The following CCDC178 variants were observed in gnomAD, a reference collection of about 807,000 sequenced individuals.
CCDC178 encodes the protein coiled-coil domain containing 178.
Under a neutral mutation model 117.4 loss-of-function variants are expected in CCDC178, and 126 were observed. The ratio of observed to expected loss-of-function variants is 1.07; its 90% CI spans 0.93 to 1.24. CCDC178 has a LOEUF of 1.24. Among genes scored for constraint, CCDC178 ranks in the 50% most tolerant of loss-of-function variants. The pLI, the probability that CCDC178 is intolerant of heterozygous loss-of-function variation, is 0.00. For synonymous variants in CCDC178, 283 were observed against 313.4 expected (o/e 0.90, Z 1.02); for missense variants, 1,030 against 986.9 (o/e 1.04, Z -0.59).
At position 33,002,480 on chromosome 18, in the gene CCDC178, A is replaced by T. The variant is rs542417685; in HGVS notation, c.2389-27799T>A. Reference sequence around the variant, plus strand: ...TAAGAAGAAAATTTAAAATTTTTTTAAAACAAATAATAAAGGAAATACAAC... The same window carrying T: ...TAAGAAGAAAATTTAAAATTTTTTTTAAACAAATAATAAAGGAAATACAAC... On this transcript the variant is annotated intron_variant, in intron 21 of 22. Coordinates refer to ENST00000383096, the MANE Select transcript of CCDC178 (RefSeq NM_001105528.4). Among the ~76,000 whole-genome samples, 144 of 152,148 alleles carry T rather than the reference A, an allele frequency of 9.5e-4. 1 individual carries two copies. The highest frequency in any genetic ancestry group is 1.9e-3 in the Non-Finnish European group (126 of 67,986).
chr18:33,105,395 G>A (rs1425336049), intron 20 of CCDC178, among the ~76,000 whole-genome samples: 1 of 151,590 alleles, frequency 6.6e-6, no homozygotes, highest in East Asian at 1.9e-4. Flanking sequence ...TAGTTTCTCA[G>A]TAAACATTAC....
At chr18:33,367,920 TATTC>T (rs992279730) in intron 6 of CCDC178, among the ~76,000 whole-genome samples, 44 of 152,192 alleles carry the variant, frequency 2.9e-4, no homozygotes, top group African/African-American at 1.0e-3. Flanking sequence ...CGTATTTATT[TATTC>T]ATAAACAAAG....
intron 15 of CCDC178, among the ~76,000 whole-genome samples, chr18:33,241,239 A>G (rs952120527): frequency 2.0e-5 from 3 of 151,958 alleles, no homozygotes; most frequent in African/African-American, 7.2e-5. Context: ...AACTAAGATC[A>G]TACTGAGTGG....
chr18:33,086,750 C>T (rs1396253545), intron 21 of CCDC178, among the ~76,000 whole-genome samples: 1 of 151,986 alleles, frequency 6.6e-6, no homozygotes, highest in Non-Finnish European at 1.5e-5. Flanking sequence ...AATTCTGTCT[C>T]TCTGTATATC....
chr18:33,377,100 G>A (rs1389311908), intron 5 of CCDC178, among the ~76,000 whole-genome samples: 1 of 152,084 alleles, frequency 6.6e-6, no homozygotes, highest in African/African-American at 2.4e-5. Context: ...TCTCTGCAGA[G>A]TTGTCAGCAT....
intron 20 of CCDC178, among the ~76,000 whole-genome samples, chr18:33,164,941 T>C (rs112163689): frequency 4.5e-4 from 68 of 152,344 alleles, no homozygotes; most frequent in African/African-American, 1.3e-3. Context: ...TATCATGCAT[T>C]GGTCATTTTG....
intron 20 of CCDC178, among the ~76,000 whole-genome samples, chr18:33,119,956 G>C (rs1471870621): frequency 2.0e-5 from 3 of 151,782 alleles, no homozygotes; most frequent in Non-Finnish European, 2.9e-5. Context: ...AACACCGCTT[G>C]TTCTCACTTA....
At chr18:33,374,944 G>T (rs1055522600) in intron 5 of CCDC178, among the ~76,000 whole-genome samples, 9 of 152,122 alleles carry the variant, frequency 5.9e-5, no homozygotes, top group Admixed American at 5.9e-4. Context: ...CTGGAGTTGT[G>T]GGAGTGAGTT....
At chr18:33,393,053 A>G (rs1462515463) in intron 4 of CCDC178, among the ~76,000 whole-genome samples, 1 of 152,156 alleles carries the variant, frequency 6.6e-6, no homozygotes, top group Admixed American at 6.5e-5. Flanking sequence ...TCTCAAAATC[A>G]ATAAGGAGTA....
At chr18:32,963,878 C>T (rs1353998219) in intron 22 of CCDC178, among the ~76,000 whole-genome samples, 3 of 151,970 alleles carry the variant, frequency 2.0e-5, no homozygotes, top group African/African-American at 7.2e-5. Context: ...CTAAAATATG[C>T]CTTGAAATTA....
chr18:33,328,094 T>G (rs755288968), intron 10 of CCDC178: 15 of 158,300 alleles, frequency 9.5e-5, no homozygotes, highest in African/African-American at 3.6e-4. Context: ...TTTTTTTTTT[T>G]TTTTTTTTTT....
intron 9 of CCDC178, among the ~76,000 whole-genome samples, chr18:33,336,478 C>A (rs2062741822): frequency 6.6e-6 from 1 of 152,008 alleles, no homozygotes; most frequent in Non-Finnish European, 1.5e-5. Flanking sequence ...GACAACTTGT[C>A]AGCATATTTT....
rs959866021 is a variant in CCDC178 at position 32,937,782 on chromosome 18, C to T, written c.*229G>A. On this transcript the variant is annotated 3_prime_UTR_variant, in exon 23 of 23. Transcript: ENST00000383096. ...AGGCAAAGCCAATTGCAATCAGTCACCCAGAGCTGAAATTAGATCGTTCCT... is the reference window on the plus strand; with the variant it reads ...AGGCAAAGCCAATTGCAATCAGTCATCCAGAGCTGAAATTAGATCGTTCCT... 3 of 482,744 alleles carry T rather than the reference C, an allele frequency of 6.2e-6. No homozygotes were observed. The highest frequency in any genetic ancestry group is 3.5e-5 in the South Asian group (1 of 28,278). 29.9% of individuals were successfully genotyped at this position (482,744 alleles called of 1,614,324 possible). A position where few individuals can be genotyped will look rare whatever the true frequency, so the allele number is the denominator to read the frequency against.
At chr18:33,243,966 G>T (rs2059517555) in intron 15 of CCDC178, among the ~76,000 whole-genome samples, 1 of 151,806 alleles carries the variant, frequency 6.6e-6, no homozygotes, top group South Asian at 2.1e-4. Flanking sequence ...CTAAACCACA[G>T]AATCATATGC....
chr18:33,178,827 G>C, intron 20 of CCDC178, among the ~76,000 whole-genome samples: 1 of 150,950 alleles, frequency 6.6e-6, no homozygotes, highest in Admixed American at 6.6e-5. Flanking sequence ...ACCTCCATGG[G>C]CCCCTATTTT....
At chr18:33,081,168 T>A (rs1327925879) in intron 21 of CCDC178, among the ~76,000 whole-genome samples, 1 of 152,178 alleles carries the variant, frequency 6.6e-6, no homozygotes, top group Non-Finnish European at 1.5e-5. Context: ...TCACAATGTG[T>A]CTGAGGTTTT....
chr18:33,021,965 A>C lies in CCDC178; in HGVS notation c.2389-47284T>G, dbSNP rs118029012. 8.0e-3 allele frequency among the ~76,000 whole-genome samples: 1,218 copies of C among 152,250 alleles called. 10 individuals are homozygous for C. The highest frequency in any genetic ancestry group is 9.7e-3 in the Non-Finnish European group (659 of 68,018). ...TTTCCTGGTCACCAAAAATGTTCTA[A>C]AAGCAATAGGTATATAATTTCCTTT... On this transcript the variant is annotated intron_variant, in intron 21 of 22. Transcript: ENST00000383096.
chr18:32,974,432 T>C, intron 22 of CCDC178, 115 bp downstream of exon 22: 1 of 985,344 alleles, frequency 1.0e-6, no homozygotes, highest in Non-Finnish European at 1.5e-6. Flanking sequence ...ATTAAAGAGG[T>C]TAAAAATTTA....
chr18:33,036,218 T>C (rs2056441214), intron 21 of CCDC178, among the ~76,000 whole-genome samples: 1 of 151,930 alleles, frequency 6.6e-6, no homozygotes, highest in Non-Finnish European at 1.5e-5. Context: ...TAGTAATATG[T>C]AGTATCTATA....
Sources: gnomAD v4.1 joint callset for allele counts (sites outside exome capture counted in the v4.1 genomes callset) on GRCh38, gnomAD v4.1.1 for gene constraint, MANE v1.5 for transcripts, NCBI Gene and HGNC (gene_info 2026-07-23, HGNC 2026-07-21) for gene names.